RARS2: variants seen among roughly 807,000 people sequenced by gnomAD.
RARS2 encodes arginyl-tRNA synthetase 2, mitochondrial, also known as probable arginine--tRNA ligase, mitochondrial.
A neutral mutation model predicts 88.5 loss-of-function variants in RARS2; 67 were observed. The observed-to-expected ratio is 0.76, with a 90% CI of 0.62 to 0.93. RARS2 has a LOEUF of 0.93. Among genes scored for constraint, RARS2 ranks in the 40% least tolerant of loss-of-function variants. RARS2 has a pLI of 0.00. For synonymous variants in RARS2, 239 were observed against 230.3 expected (o/e 1.04, Z -0.34); for missense variants, 664 against 684.2 (o/e 0.97, Z 0.33).
chr6:87,554,461 A>G (rs565218218), intron 5 of RARS2, among the ~76,000 whole-genome samples: 1 of 152,108 alleles, frequency 6.6e-6, no homozygotes, highest in South Asian at 2.1e-4. Flanking sequence ...CAAATTACTT[A>G]AAAAAATTTT....
chr6:87,576,566 G>A (rs928610990), intron 1 of RARS2, among the ~76,000 whole-genome samples: 2 of 151,444 alleles, frequency 1.3e-5, no homozygotes, highest in East Asian at 1.9e-4. Context: ...GTGAGCCACC[G>A]CGCCCGGCCA....
intron 1 of RARS2, chr6:87,589,609 A>G: frequency 1.1e-6 from 1 of 925,096 alleles, no homozygotes; most frequent in Non-Finnish European, 1.3e-6. Context: ...ACTAACTTCT[A>G]TGGGGTCTAA....
chr6:87,577,706 A>G (rs544024153), intron 1 of RARS2, among the ~76,000 whole-genome samples: 1 of 152,222 alleles, frequency 6.6e-6, no homozygotes, highest in East Asian at 1.9e-4. Flanking sequence ...TAAATGTTAT[A>G]AACTTTGAGT....
chr6:87,578,561 C>T (rs759174382), intron 1 of RARS2, among the ~76,000 whole-genome samples: 2 of 152,172 alleles, frequency 1.3e-5, no homozygotes, highest in Non-Finnish European at 2.9e-5. Context: ...GGCTCAGACA[C>T]GTACTGTTTA....
At chr6:87,537,751 G>C (rs1779652058) in intron 8 of RARS2, among the ~76,000 whole-genome samples, 1 of 152,152 alleles carries the variant, frequency 6.6e-6, no homozygotes, top group Non-Finnish European at 1.5e-5. Context: ...ATAAGAAAGA[G>C]TAAATGCAGA....
chr6:87,551,222 TC>T (rs1397391988), intron 5 of RARS2, among the ~76,000 whole-genome samples: 4 of 152,098 alleles, frequency 2.6e-5, no homozygotes, highest in Admixed American at 2.6e-4. Flanking sequence ...CAAATTCAAT[TC>T]TTTTGGCAAC....
In RARS2 at chr6:87,588,908, T is replaced by C. The variant is rs1352847003; in HGVS notation, c.36+1014A>G. ...AATACACTACCAAAGCTCTCAGTGGTGTTCTTCCTTATCCCAGTGAGCAAT... is the reference window on the plus strand; with the variant it reads ...AATACACTACCAAAGCTCTCAGTGGCGTTCTTCCTTATCCCAGTGAGCAAT... On this transcript the variant is annotated intron_variant, in intron 1 of 19. Coordinates refer to ENST00000369536, the MANE Select transcript of RARS2 (RefSeq NM_020320.5). 2.0e-5 allele frequency among the ~76,000 whole-genome samples: 3 copies of C among 152,214 alleles called. No individual in the cohort carries two copies. The East Asian group carries it at 5.8e-4, about 29-fold the overall frequency.
intron 10 of RARS2, among the ~76,000 whole-genome samples, chr6:87,527,405 C>A (rs755753901): frequency 1.8e-4 from 27 of 152,146 alleles, no homozygotes; most frequent in Non-Finnish European, 2.5e-4. Context: ...CTATCTCTCA[C>A]CATGTACAAA....
At chr6:87,579,773 C>CTGGAGTG (rs1772889688) in intron 1 of RARS2, among the ~76,000 whole-genome samples, 1 of 115,330 alleles carries the variant, frequency 8.7e-6, no homozygotes, top group East Asian at 2.9e-4. Flanking sequence ...TGTCGCCAGG[C>CTGGAGTG]TGGAGTGCAG....
At chr6:87,530,686 T>C in intron 9 of RARS2, 98 bp downstream of exon 9, 2 of 1,488,928 alleles carry the variant, frequency 1.3e-6, no homozygotes, top group Non-Finnish European at 1.9e-6. Context: ...TACAAATCTA[T>C]TTTTAAAACA....
intron 7 of RARS2, 118 bp from the exon 8 acceptor site, chr6:87,542,112 G>C (rs909659147): frequency 1.3e-6 from 1 of 765,154 alleles, no homozygotes; most frequent in Non-Finnish European, 2.2e-6. Context: ...ATCCTGAGAA[G>C]TATTACAAAA....
At chr6:87,515,125 AC>A (rs1181972209) in intron 18 of RARS2, 105 bp from the exon 19 acceptor site, 8 of 896,582 alleles carry the variant, frequency 8.9e-6, no homozygotes, top group Non-Finnish European at 1.5e-5. Flanking sequence ...AAAGCCCAGA[AC>A]CATTAAAGGA....
rs1423617738 is a variant in RARS2, at chr6:87,579,752, G to A, written c.37-10162C>T. Reference sequence around the variant, plus strand: ...TTTTTTTTTTTTTTTTTTTGAGACAGAGTCTCGCTCTGTCGCCAGGCTGGA... The same window carrying A: ...TTTTTTTTTTTTTTTTTTTGAGACAAAGTCTCGCTCTGTCGCCAGGCTGGA... On this transcript the variant is annotated intron_variant, in intron 1 of 19. Coordinates refer to ENST00000369536, the MANE Select transcript of RARS2 (RefSeq NM_020320.5). 2.9e-5 allele frequency among the ~76,000 whole-genome samples: 3 copies of A among 104,460 alleles called. No individual in the cohort carries two copies. The South Asian group carries it at 1.0e-3, about 35-fold the overall frequency. 68.5% of individuals were successfully genotyped at this position (104,460 alleles called of 152,430 possible).
At chr6:87,560,565 C>A (rs140711677) in intron 4 of RARS2, among the ~76,000 whole-genome samples, 4 of 152,124 alleles carry the variant, frequency 2.6e-5, no homozygotes, top group African/African-American at 9.7e-5. Flanking sequence ...TAACAAGAAT[C>A]GAATTTTTTT....
At chr6:87,587,114 G>T (rs1363610834) in intron 1 of RARS2, among the ~76,000 whole-genome samples, 1 of 151,880 alleles carries the variant, frequency 6.6e-6, no homozygotes, top group Non-Finnish European at 1.5e-5. Flanking sequence ...TGAACTCTTG[G>T]GCTCAAGTGA....
chr6:87,518,452 T>C (rs879686680), intron 16 of RARS2, 178 bp downstream of exon 16: 19 of 1,389,030 alleles, frequency 1.4e-5, no homozygotes, highest in African/African-American at 1.5e-5. Context: ...CATAAATGTA[T>C]TTCTAACATA....
rs1436757377 is a variant in RARS2, at chr6:87,530,791, A to C, written c.764T>G (p.Val255Gly). The change falls in exon 9 of 20, where the codon GTT becomes GGT. Residue 255 changes from valine to glycine, a missense_variant. Val to Gly is a moderately radical substitution (Grantham distance 109). Transcript: ENST00000369536. ...RDLSIEEYIR[V>G]YKRLGVYFDE... ...GGGAGGGTCAACCAATACCTTGTAA[A>C]CCCGAATGTACTCTTCAATGCTCAA... 6.2e-7 allele frequency: 1 copy of C among 1,614,172 alleles called. No individual in the cohort carries two copies. Among genetic ancestry groups the C allele is most frequent in the East Asian group, 2.2e-5 (1 of 44,872 alleles).
At chr6:87,561,238 T>C (rs1043853616) in intron 4 of RARS2, among the ~76,000 whole-genome samples, 8 of 152,192 alleles carry the variant, frequency 5.3e-5, no homozygotes, top group African/African-American at 1.9e-4. Context: ...AAACATCAGT[T>C]ATGCACAAAC....
intron 1 of RARS2, among the ~76,000 whole-genome samples, chr6:87,584,210 A>C (rs1402174506): frequency 1.3e-5 from 2 of 152,216 alleles, no homozygotes. Context: ...GGGAAGAAAA[A>C]GAACTTGGGA....
Sources: allele counts gnomAD v4.1 joint callset (sites outside exome capture counted in the v4.1 genomes callset), GRCh38; gene constraint gnomAD v4.1.1; transcripts MANE v1.5; gene names NCBI Gene and HGNC (gene_info 2026-07-23, HGNC 2026-07-21).